The following PLD1 variants were observed in gnomAD, a reference collection of about 807,000 sequenced individuals.
PLD1 encodes phospholipase D1.
Under a neutral mutation model 137.1 loss-of-function variants are expected in PLD1, and 112 were observed. The observed-to-expected ratio is 0.82, with a 90% CI of 0.70 to 0.96. The LOEUF is 0.96. Among genes scored for constraint, PLD1 ranks in the 40% least tolerant of loss-of-function variants. PLD1 has a pLI of 0.00. For synonymous variants in PLD1, 431 were observed against 454.7 expected, an observed-to-expected ratio of 0.95 and a Z score of 0.66; for missense variants, 1,321 against 1,342.0, an observed-to-expected ratio of 0.98 and a Z score of 0.24.
intron 24 of PLD1, among the ~76,000 whole-genome samples, chr3:171,614,069 GC>G (rs1330796261): frequency 1.3e-5 from 2 of 152,182 alleles, no homozygotes; most frequent in Non-Finnish European, 2.9e-5. Context: ...GAGAAAAGCT[GC>G]CCTTTCCTGA....
At chr3:171,773,348 C>T (rs146406251) in intron 1 of PLD1, among the ~76,000 whole-genome samples, 413 of 152,262 alleles carry the variant, frequency 2.7e-3, no homozygotes, top group African/African-American at 9.4e-3. Flanking sequence ...AAGCCCAGCA[C>T]GTTGGGAGGC....
chr3:171,649,089 T>C (rs1328168042), intron 21 of PLD1, among the ~76,000 whole-genome samples: 1 of 152,228 alleles, frequency 6.6e-6, no homozygotes, highest in African/African-American at 2.4e-5. Context: ...ATGATGTTTG[T>C]AAGAGACAGT....
At chr3:171,701,032 T>C (rs1047127719) in intron 11 of PLD1, among the ~76,000 whole-genome samples, 2 of 152,188 alleles carry the variant, frequency 1.3e-5, no homozygotes, top group African/African-American at 4.8e-5. Flanking sequence ...AGTATTGCCC[T>C]CCCAGGCAGC....
chr3:171,655,962 C>A (rs1737154795), intron 21 of PLD1, among the ~76,000 whole-genome samples: 1 of 151,982 alleles, frequency 6.6e-6, no homozygotes, highest in South Asian at 2.1e-4. Flanking sequence ...TTTCACAAAG[C>A]AAACTTGAAA....
chr3:171,757,040 A>T (rs1040734375), intron 1 of PLD1, among the ~76,000 whole-genome samples: 2 of 152,214 alleles, frequency 1.3e-5, no homozygotes, highest in Non-Finnish European at 2.9e-5. Flanking sequence ...TGGCAGAAAA[A>T]CCAGAGGCAA....
intron 8 of PLD1, chr3:171,721,333 C>G (rs1206117505): frequency 1.3e-5 from 2 of 152,490 alleles, no homozygotes; most frequent in Non-Finnish European, 2.9e-5. Context: ...AGGAAGGAAG[C>G]CACAGAGAGT....
At chr3:171,694,204 A>G (rs950162163) in intron 12 of PLD1, among the ~76,000 whole-genome samples, 1 of 152,062 alleles carries the variant, frequency 6.6e-6, no homozygotes, top group Non-Finnish European at 1.5e-5. Context: ...ACAAGATTTG[A>G]GTACTAGGAG....
chr3:171,712,334 T>A (rs1383391228), intron 9 of PLD1, among the ~76,000 whole-genome samples: 2 of 152,154 alleles, frequency 1.3e-5, no homozygotes, highest in Non-Finnish European at 2.9e-5. Flanking sequence ...AGGAGGTGCC[T>A]GGGCTTGACC....
chr3:171,667,813 G>T (rs867483012), intron 19 of PLD1, among the ~76,000 whole-genome samples: 1 of 152,184 alleles, frequency 6.6e-6, no homozygotes, highest in Admixed American at 6.5e-5. Flanking sequence ...GTACAATGGC[G>T]TGATCTCTGC....
chr3:171,616,746 C>T (rs541249759), intron 24 of PLD1, among the ~76,000 whole-genome samples: 1 of 152,276 alleles, frequency 6.6e-6, no homozygotes, highest in Non-Finnish European at 1.5e-5. Context: ...AATGCAACAG[C>T]CCTGCTCACA....
intron 1 of PLD1, among the ~76,000 whole-genome samples, chr3:171,782,179 G>A (rs1195482281): frequency 1.3e-5 from 2 of 152,162 alleles, no homozygotes; most frequent in Non-Finnish European, 2.9e-5. Flanking sequence ...TTCTAGAAAG[G>A]CAAAAATAAC....
At chr3:171,703,190 T>C (rs1337564011) in intron 11 of PLD1, among the ~76,000 whole-genome samples, 3 of 152,100 alleles carry the variant, frequency 2.0e-5, no homozygotes, top group African/African-American at 7.2e-5. Context: ...AGAAAAAAAC[T>C]TCCGTAGTGT....
At chr3:171,628,800 A>G (rs1440773707) in intron 23 of PLD1, among the ~76,000 whole-genome samples, 2 of 152,232 alleles carry the variant, frequency 1.3e-5, no homozygotes, top group Non-Finnish European at 2.9e-5. Flanking sequence ...GGCCTTTGAC[A>G]AAATTCAACA....
At chr3:171,635,450 G>T (rs1293275392) in intron 23 of PLD1, among the ~76,000 whole-genome samples, 3 of 151,672 alleles carry the variant, frequency 2.0e-5, no homozygotes, top group African/African-American at 7.3e-5. Context: ...TTATTATTAT[G>T]GCCATCCTAG....
At chr3:171,797,018 A>C (rs1723462818) in intron 1 of PLD1, among the ~76,000 whole-genome samples, 1 of 152,114 alleles carries the variant, frequency 6.6e-6, no homozygotes, top group Non-Finnish European at 1.5e-5. Context: ...AAAACCAAGA[A>C]CATGTTAGTT....
chr3:171,709,820 T>A (rs1356353647), intron 9 of PLD1, 111 bp from the exon 10 acceptor site: 12 of 870,698 alleles, frequency 1.4e-5, no homozygotes, highest in Admixed American at 2.6e-5. Context: ...GCAAAGAACA[T>A]CAAGAAAGCA....
At chr3:171,618,251 G>C (rs1426691790) in intron 24 of PLD1, among the ~76,000 whole-genome samples, 1 of 152,148 alleles carries the variant, frequency 6.6e-6, no homozygotes, top group Non-Finnish European at 1.5e-5. Flanking sequence ...AAATAAATTG[G>C]AGTCTTTGAG....
intron 3 of PLD1, among the ~76,000 whole-genome samples, chr3:171,735,890 A>G (rs1193326591): frequency 6.6e-6 from 1 of 152,222 alleles, no homozygotes; most frequent in Non-Finnish European, 1.5e-5. Flanking sequence ...CTGTTCCTCC[A>G]ACATATGTGC....
At chr3:171,646,898 C>T (rs1736271164) in intron 21 of PLD1, among the ~76,000 whole-genome samples, 1 of 152,174 alleles carries the variant, frequency 6.6e-6, no homozygotes, top group South Asian at 2.1e-4. Context: ...CACCTTCCTA[C>T]TAATAAAGCT....
Sources: allele counts gnomAD v4.1 joint callset (sites outside exome capture counted in the v4.1 genomes callset), GRCh38; gene constraint gnomAD v4.1.1; transcripts MANE v1.5; gene names NCBI Gene and HGNC (gene_info 2026-07-23, HGNC 2026-07-21).